CLNS1A: variants seen among roughly 807,000 people sequenced by gnomAD.
CLNS1A encodes the protein chloride nucleotide-sensitive channel 1A, also known as methylosome subunit pICln.
Under a neutral mutation model 29.4 loss-of-function variants are expected in CLNS1A, and 16 were observed. The observed-to-expected ratio is 0.54, with a 90% CI of 0.37 to 0.83. The LOEUF (loss-of-function observed/expected upper bound fraction) is 0.83. CLNS1A is among the 40% of genes least tolerant of loss of function. The pLI, the probability that CLNS1A is intolerant of heterozygous loss-of-function variation, is 0.00. For synonymous variants in CLNS1A, 96 were observed against 104.8 expected (o/e 0.92, Z 0.51); for missense variants, 235 against 287.4 (o/e 0.82, Z 1.32).
chr11:77,637,060 A>G (rs1331209601), intron 1 of CLNS1A, among the ~76,000 whole-genome samples: 1 of 151,828 alleles, frequency 6.6e-6, no homozygotes, highest in Non-Finnish European at 1.5e-5. Context: ...CTACAGAAGA[A>G]AATCTTTATT....
intron 2 of CLNS1A, among the ~76,000 whole-genome samples, chr11:77,628,282 G>A (rs778721149): frequency 5.9e-5 from 9 of 152,198 alleles, no homozygotes; most frequent in Non-Finnish European, 1.0e-4. Flanking sequence ...TGACTGACAA[G>A]AGCAAGGTTT....
intron 1 of CLNS1A, among the ~76,000 whole-genome samples, chr11:77,631,899 C>T (rs942796761): frequency 1.3e-5 from 2 of 152,000 alleles, no homozygotes; most frequent in African/African-American, 4.8e-5. Flanking sequence ...CACCACGCCT[C>T]GCTAATTTTT....
intron 5 of CLNS1A, 57 bp from the exon 6 acceptor site, chr11:77,619,752 T>G: frequency 8.4e-7 from 1 of 1,194,098 alleles, no homozygotes; most frequent in Admixed American, 1.7e-5. Context: ...ACAGGTAGAT[T>G]CAACTTATAA....
Position 77,627,661 on chromosome 11 carries a change from G to A in CLNS1A, c.263-1843C>T, listed in dbSNP as rs537054802. Among the ~76,000 whole-genome samples, 5 of 152,048 alleles carry A rather than the reference G, an allele frequency of 3.3e-5. No homozygotes were observed. In the East Asian group the frequency reaches 9.7e-4, roughly 29 times the overall value. ...ACTGAACTGCTTTTTCCTAGTTTAG[G>A]ACTCAGAGCATTTGCATTTTAAACA... On this transcript the variant is annotated intron_variant, in intron 2 of 6. Transcript: ENST00000525428.
At chr11:77,621,897 G>A in intron 5 of CLNS1A, 1 of 448,808 alleles carries the variant, frequency 2.2e-6, no homozygotes, top group Admixed American at 2.4e-5. Flanking sequence ...TCTGCCAGCA[G>A]AACTTCTGAG....
At chr11:77,637,511 C>T in intron 1 of CLNS1A, 79 bp downstream of exon 1, 10 of 1,483,968 alleles carry the variant, frequency 6.7e-6, no homozygotes, top group Non-Finnish European at 9.0e-6. Flanking sequence ...CGCCCCTTGC[C>T]CGGCTCCTTC....
chr11:77,627,974 C>T (rs1408006694), intron 2 of CLNS1A, among the ~76,000 whole-genome samples: 1 of 152,052 alleles, frequency 6.6e-6, no homozygotes, highest in African/African-American at 2.4e-5. Flanking sequence ...TACAGGCACC[C>T]GCCACCACGC....
chr11:77,620,665 C>T (rs150848443), intron 5 of CLNS1A, among the ~76,000 whole-genome samples: 688 of 151,922 alleles, frequency 4.5e-3, no homozygotes, highest in Non-Finnish European at 7.4e-3. Context: ...AAAAATTACC[C>T]GGGCATGGTG....
chr11:77,636,226 C>A (rs1959124350), intron 1 of CLNS1A, among the ~76,000 whole-genome samples: 2 of 152,062 alleles, frequency 1.3e-5, no homozygotes, highest in South Asian at 4.2e-4. Context: ...CGCCACCATG[C>A]CTGGCTAATT....
At chr11:77,620,672 G>A (rs921157070) in intron 5 of CLNS1A, among the ~76,000 whole-genome samples, 9 of 151,918 alleles carry the variant, frequency 5.9e-5, no homozygotes, top group African/African-American at 2.2e-4. Context: ...ACCCGGGCAT[G>A]GTGGCAGGCG....
intron 6 of CLNS1A, among the ~76,000 whole-genome samples, chr11:77,617,469 G>C (rs1300914856): frequency 1.3e-5 from 2 of 151,674 alleles, no homozygotes; most frequent in East Asian, 3.9e-4. Context: ...TTGAACCCGG[G>C]AGGCAGAGGT....
At chr11:77,624,862 G>T in intron 4 of CLNS1A, 101 bp downstream of exon 4, 2 of 702,412 alleles carry the variant, frequency 2.8e-6, no homozygotes, top group Non-Finnish European at 4.9e-6. Context: ...ATACTTTACA[G>T]TCATATAAAG....
At chr11:77,620,912 G>A (rs187076686) in intron 5 of CLNS1A, among the ~76,000 whole-genome samples, 298 of 152,206 alleles carry the variant, frequency 2.0e-3, no homozygotes, top group African/African-American at 6.8e-3. Flanking sequence ...AACCCAGGAG[G>A]TGGAGGTTGA....
At chr11:77,619,475 G>C (rs762053319) in intron 6 of CLNS1A, 131 bp downstream of exon 6, 6 of 665,372 alleles carry the variant, frequency 9.0e-6, no homozygotes, top group Non-Finnish European at 1.4e-5. Flanking sequence ...AGTGAGCTAG[G>C]ATCATGCCAC....
In CLNS1A at chr11:77,625,725, T is replaced by G. The variant is rs770217043; in HGVS notation, c.356A>C (p.Lys119Thr). Residue 119 changes from lysine (K) to threonine (T), a missense_variant, in exon 3 of 7, where the codon AAA (lysine) becomes ACA (threonine). Lys to Thr is a moderately conservative substitution (Grantham distance 78). Coordinates refer to ENST00000525428, the MANE Select transcript of CLNS1A (RefSeq NM_001293.3). ...TACTGTAGAACACTCACACGCTGATTTATCACTAGGCACAAATCTAAATTC... is the reference window on the plus strand; with the variant it reads ...TACTGTAGAACACTCACACGCTGATGTATCACTAGGCACAAATCTAAATTC... ...ITEFRFVPSD[K>T]SALEAMFTAM... The G allele has an allele frequency of 1.2e-6, 2 of 1,611,364 alleles. No homozygotes were observed. The highest frequency in any genetic ancestry group is 2.2e-5 in the East Asian group (1 of 44,864).
In CLNS1A at chr11:77,633,827, G is replaced by A. The variant is rs3934454; in HGVS notation, c.125+3763C>T. Among the ~76,000 whole-genome samples, 752 of 152,210 alleles carry A rather than the reference G, an allele frequency of 4.9e-3. 8 individuals are homozygous for A. The highest frequency in any genetic ancestry group is 0.017 in the African/African-American group (718 of 41,520). Reference sequence around the variant, plus strand: ...TAAAAATTCAACTTCCTGGCCGGGTGCAGTGGCTAACACCTATAATCCCAG... The same window carrying A: ...TAAAAATTCAACTTCCTGGCCGGGTACAGTGGCTAACACCTATAATCCCAG... On this transcript the variant is annotated intron_variant, in intron 1 of 6. Transcript: ENST00000525428.
chr11:77,637,338 G>GA (rs57598480), intron 1 of CLNS1A, among the ~76,000 whole-genome samples: 1,446 of 107,396 alleles, frequency 0.013, 19 homozygotes, highest in Non-Finnish European at 0.02. Context: ...AGGAAAAAAA[G>GA]AAAAAAAAAA....
At chr11:77,621,056 G>A (rs1180910047) in intron 5 of CLNS1A, among the ~76,000 whole-genome samples, 1 of 151,628 alleles carries the variant, frequency 6.6e-6, no homozygotes, top group African/African-American at 2.4e-5. Context: ...CAATACTTTG[G>A]GAGGCTGAGG....
In CLNS1A at chr11:77,637,527, G is replaced by T. The variant is rs1026516242; in HGVS notation, c.125+63C>A. 3 of 1,515,028 alleles carry T rather than the reference G, an allele frequency of 2.0e-6. No individual in the cohort carries two copies. In the African/African-American group the frequency reaches 4.2e-5, roughly 21 times the overall value. The allele number at this position is 1,515,028 out of a possible 1,614,324, so 93.8% of individuals were successfully genotyped here. A position where few individuals can be genotyped will look rare whatever the true frequency, so the allele number is the denominator to read the frequency against. On this transcript the variant is annotated intron_variant, in intron 1 of 6. Coordinates refer to ENST00000525428, the MANE Select transcript of CLNS1A (RefSeq NM_001293.3). ...GCCCCTTGCCCGGCTCCTTCGCACC[G>T]CCTGCTCCAGCAAGGAGGAGGGCGG...
Sources: gnomAD v4.1 joint callset for allele counts (sites outside exome capture counted in the v4.1 genomes callset) on GRCh38, gnomAD v4.1.1 for gene constraint, MANE v1.5 for transcripts, NCBI Gene and HGNC (gene_info 2026-07-23, HGNC 2026-07-21) for gene names.